Variants in RBL1 observed in about 807,000 individuals in gnomAD.
The protein encoded by RBL1 is retinoblastoma-like protein 1.
Under a neutral mutation model 123.0 loss-of-function variants are expected in RBL1, and 82 were observed. The observed-to-expected ratio is 0.67, with a 90% CI of 0.56 to 0.80. The LOEUF (loss-of-function observed/expected upper bound fraction) is 0.80. RBL1 is among the 30% of genes least tolerant of loss of function. The pLI is 0.00. For missense variants in RBL1, 1,171 were observed against 1,299.6 expected (o/e 0.90, Z 1.52); for synonymous variants, 405 against 441.3 (o/e 0.92, Z 1.03).
At chr20:37,040,405 G>A in intron 13 of RBL1, 120 bp from the exon 14 acceptor site, 1 of 1,396,220 alleles carries the variant, frequency 7.2e-7, no homozygotes, top group Non-Finnish European at 9.4e-7. Flanking sequence ...AGGCTGGAAT[G>A]CAGTGGCACG....
chr20:37,062,315 G>T, intron 7 of RBL1, 45 bp from the exon 8 acceptor site: 1 of 1,573,984 alleles, frequency 6.4e-7, no homozygotes, highest in Non-Finnish European at 8.6e-7. Context: ...GTTACACAAT[G>T]GATTTATTTT....
chr20:37,067,382 GAT>G (rs2065196058), intron 3 of RBL1, 85 bp from the exon 4 acceptor site: 8 of 1,013,368 alleles, frequency 7.9e-6, no homozygotes, highest in African/African-American at 1.7e-5. Context: ...ATATCAAATA[GAT>G]CAAATTACAC....
chr20:37,000,186 G>T (rs1196010986), intron 21 of RBL1, among the ~76,000 whole-genome samples: 1 of 145,620 alleles, frequency 6.9e-6, no homozygotes, highest in African/African-American at 2.6e-5. Context: ...CAACCGCCCC[G>T]TCTGAGAAGT....
At chr20:37,039,828 T>G (rs2064690903) in intron 14 of RBL1, among the ~76,000 whole-genome samples, 1 of 152,096 alleles carries the variant, frequency 6.6e-6, no homozygotes, top group African/African-American at 2.4e-5. Flanking sequence ...GCCTCAGCCT[T>G]CTGAGTAGCT....
intron 2 of RBL1, among the ~76,000 whole-genome samples, chr20:37,072,489 C>T (rs188662333): frequency 2.0e-5 from 3 of 151,780 alleles, no homozygotes; most frequent in East Asian, 1.9e-4. Context: ...GCAACGAGAG[C>T]GAAACTCCGT....
At position 37,095,959 on chromosome 20, in the gene RBL1, GC is replaced by G; in HGVS notation, c.-32del. 1.4e-6 allele frequency: 2 copies of G among 1,462,674 alleles called. No individual in the cohort carries two copies. Among genetic ancestry groups the G allele is most frequent in the Non-Finnish European group, 9.1e-7 (1 of 1,097,828 alleles). The allele number at this position is 1,462,674 out of a possible 1,614,324, so 90.6% of individuals were successfully genotyped here. A position where few individuals can be genotyped will look rare whatever the true frequency, so the allele number is the denominator to read the frequency against. On this transcript the variant is annotated 5_prime_UTR_variant, in exon 1 of 22. Coordinates refer to ENST00000373664, the MANE Select transcript of RBL1 (RefSeq NM_002895.5). Reference sequence around the variant, plus strand: ...CAGGCCCCGCGGGCTGCGCGCCACGGCCCCCGACTTCTTTCTCCCTCCCAGG... The same window carrying G: ...CAGGCCCCGCGGGCTGCGCGCCACGGCCCCGACTTCTTTCTCCCTCCCAGG...
At chr20:37,079,889 T>C (rs2065421956) in intron 2 of RBL1, among the ~76,000 whole-genome samples, 1 of 152,162 alleles carries the variant, frequency 6.6e-6, no homozygotes, top group South Asian at 2.1e-4. Context: ...GCAGTTTTAA[T>C]TTTAGTGATT....
intron 21 of RBL1, among the ~76,000 whole-genome samples, chr20:37,000,378 G>GC (rs953299688): frequency 8.7e-6 from 1 of 115,042 alleles, no homozygotes; most frequent in Non-Finnish European, 2.0e-5. Context: ...GGGGGGGTTA[G>GC]CCCCCCGCCC....
In RBL1 at chr20:37,067,128, A is replaced by AGG; in HGVS notation, c.557-8_557-7insCC. On this transcript the variant is annotated splice_polypyrimidine_tract_variant and splice_region_variant and intron_variant, in intron 4 of 21. Transcript: ENST00000373664. ...CCAATCATCCGAAAATTACCTTTAT[A>AGG]AGGGAAAAAAAAAAAAAAAAGACAC... 1 of 1,569,290 alleles carries AGG rather than the reference A, an allele frequency of 6.4e-7. No homozygotes were observed. Among genetic ancestry groups the AGG allele is most frequent in the Non-Finnish European group, 8.6e-7 (1 of 1,166,300 alleles).
chr20:37,065,589 T>C (rs1169740940), intron 6 of RBL1, 116 bp from the exon 7 acceptor site: 4 of 639,746 alleles, frequency 6.3e-6, no homozygotes, highest in African/African-American at 5.6e-5. Flanking sequence ...AACAGAATTA[T>C]TAAATATTTC....
intron 19 of RBL1, among the ~76,000 whole-genome samples, chr20:37,015,209 G>A (rs981905837): frequency 6.6e-6 from 1 of 151,808 alleles, no homozygotes; most frequent in Admixed American, 6.6e-5. Flanking sequence ...AACAGAAAAC[G>A]ACATCGTCTA....
intron 2 of RBL1, among the ~76,000 whole-genome samples, chr20:37,071,747 C>G (rs887824384): frequency 2.0e-5 from 3 of 152,140 alleles, no homozygotes; most frequent in Non-Finnish European, 4.4e-5. Context: ...GCTTGGTGCT[C>G]TCCTCATGGT....
intron 7 of RBL1, among the ~76,000 whole-genome samples, chr20:37,064,828 T>C (rs1267320410): frequency 6.6e-6 from 1 of 152,090 alleles, no homozygotes; most frequent in Non-Finnish European, 1.5e-5. Context: ...CAGGCTGATC[T>C]CTGGCCAGGC....
chr20:37,012,885 C>G (rs2146212341), intron 19 of RBL1, among the ~76,000 whole-genome samples: 1 of 151,082 alleles, frequency 6.6e-6, no homozygotes, highest in African/African-American at 2.4e-5. Context: ...GCCCCTCTGC[C>G]CGGCCAGCCG....
At chr20:37,046,361 T>TTC (rs1251597806) in intron 12 of RBL1, among the ~76,000 whole-genome samples, 6 of 152,166 alleles carry the variant, frequency 3.9e-5, no homozygotes, top group Admixed American at 2.0e-4. Flanking sequence ...ACTGAAGCTG[T>TTC]AAGATTGACT....
chr20:37,023,716 T>G (rs1036262438), intron 16 of RBL1, among the ~76,000 whole-genome samples: 1 of 152,174 alleles, frequency 6.6e-6, no homozygotes, highest in African/African-American at 2.4e-5. Context: ...GATTGTTTTT[T>G]TATTTTAAGA....
At position 37,042,996 on chromosome 20, in the gene RBL1, A is replaced by G. The variant is rs975958165; in HGVS notation, c.1770+1090T>C. On this transcript the variant is annotated intron_variant, in intron 13 of 21. Coordinates refer to ENST00000373664, the MANE Select transcript of RBL1 (RefSeq NM_002895.5). Reference sequence around the variant, plus strand: ...ATAAATAAAATGTAGCATCCATACAATGGAATATTACTTAGCAACAAAAGG... The same window carrying G: ...ATAAATAAAATGTAGCATCCATACAGTGGAATATTACTTAGCAACAAAAGG... Among the ~76,000 whole-genome samples, 10 of 151,756 alleles carry G rather than the reference A, an allele frequency of 6.6e-5. 1 individual carries two copies. The highest frequency in any genetic ancestry group is 2.2e-4 in the African/African-American group (9 of 41,406).
At chr20:37,014,136 G>A (rs1031719293) in intron 19 of RBL1, among the ~76,000 whole-genome samples, 5 of 148,840 alleles carry the variant, frequency 3.4e-5, no homozygotes, top group South Asian at 4.2e-4. Flanking sequence ...GGAGTACAGC[G>A]GCAAGATCAT....
At chr20:37,058,115 TAAAAAAAAAAAAAACAAAACAAAAC>T (rs1303107391) in intron 9 of RBL1, among the ~76,000 whole-genome samples, 1 of 78,412 alleles carries the variant, frequency 1.3e-5, no homozygotes, top group Non-Finnish European at 2.7e-5. Flanking sequence ...AAACTCTGTC[TAAAAAAAAAAAAAACAAAACAAAAC>T]AAAAAAAAAA....
Sources: gnomAD v4.1 joint callset for allele counts (sites outside exome capture counted in the v4.1 genomes callset) on GRCh38, gnomAD v4.1.1 for gene constraint, MANE v1.5 for transcripts, NCBI Gene and HGNC (gene_info 2026-07-23, HGNC 2026-07-21) for gene names.